RTN4: variants seen among roughly 807,000 people sequenced by gnomAD.
RTN4 encodes reticulon 4, also known as reticulon-4.
A neutral mutation model predicts 90.4 loss-of-function variants in RTN4; 32 were observed. The observed-to-expected ratio is 0.35, with a 90% CI of 0.27 to 0.48. RTN4 has a LOEUF of 0.48. Ranked by LOEUF, RTN4 falls within the 20% of genes least tolerant of loss-of-function variation. The pLI is 0.99. For missense variants in RTN4, 1,706 were observed against 1,430.2 expected (o/e 1.19, Z -3.11); for synonymous variants, 629 against 552.5 (o/e 1.14, Z -1.94).
chr2:55,109,760 C>T (rs1016719303), intron 1 of RTN4, among the ~76,000 whole-genome samples: 5 of 152,144 alleles, frequency 3.3e-5, no homozygotes, highest in African/African-American at 1.2e-4. Flanking sequence ...GACCCGAGTG[C>T]CCTTTGGCAA....
chr2:55,123,209 A>G, the RTN4 span, among the ~76,000 whole-genome samples: 4 of 152,226 alleles, frequency 2.6e-5, no homozygotes, highest in Admixed American at 2.6e-4. Flanking sequence ...AACTACATAT[A>G]AATCATGAAA....
At chr2:55,051,889 G>C (rs1668097664), upstream of RTN4, among the ~76,000 whole-genome samples, 1 of 151,984 alleles carries the variant, frequency 6.6e-6, no homozygotes, top group African/African-American at 2.4e-5. Context: ...AGCTTCTAGA[G>C]TTTTTTAAAT....
intron 3 of RTN4, among the ~76,000 whole-genome samples, chr2:54,992,647 T>C (rs1450182733): frequency 1.3e-5 from 2 of 152,076 alleles, no homozygotes; most frequent in South Asian, 4.2e-4. Context: ...TCAGGGTATA[T>C]TTATGCAAGA....
chr2:55,062,968 C>A (rs571905383), intron 2 of RTN4, among the ~76,000 whole-genome samples: 41 of 152,164 alleles, frequency 2.7e-4, no homozygotes, highest in African/African-American at 9.9e-4. Flanking sequence ...CTGGGGCAAC[C>A]ATTTTGGACT....
intron 1 of RTN4, among the ~76,000 whole-genome samples, chr2:55,091,837 G>A (rs1668941940): frequency 3.2e-5 from 1 of 30,826 alleles, no homozygotes; most frequent in Non-Finnish European, 6.1e-5. Flanking sequence ...CATGGCAGCG[G>A]CAAGAGAAAA....
the RTN4 span, among the ~76,000 whole-genome samples, chr2:55,120,276 G>C: frequency 6.6e-6 from 1 of 152,168 alleles, no homozygotes; most frequent in Non-Finnish European, 1.5e-5. Flanking sequence ...CCTCACTTTA[G>C]CTCTCCGAAG....
At chr2:55,097,213 G>T (rs888316358) in intron 1 of RTN4, among the ~76,000 whole-genome samples, 1 of 150,678 alleles carries the variant, frequency 6.6e-6, no homozygotes, top group African/African-American at 2.5e-5. Flanking sequence ...GATAAAGGAG[G>T]ATTGCTTGAG....
intron 5 of RTN4, among the ~76,000 whole-genome samples, chr2:54,980,877 G>C (rs1455972626): frequency 6.6e-6 from 1 of 152,166 alleles, no homozygotes; most frequent in Non-Finnish European, 1.5e-5. Context: ...GCTACGTATA[G>C]AAGGTAATAA....
chr2:55,069,865 G>A (rs1178933594), intron 2 of RTN4, among the ~76,000 whole-genome samples: 1 of 152,198 alleles, frequency 6.6e-6, no homozygotes, highest in Non-Finnish European at 1.5e-5. Context: ...GAGAAACACA[G>A]GTACATGAAT....
At chr2:54,978,745 A>G (rs1242347755) in intron 5 of RTN4, among the ~76,000 whole-genome samples, 2 of 152,170 alleles carry the variant, frequency 1.3e-5, no homozygotes, top group Admixed American at 1.3e-4. Flanking sequence ...GCTACTTCCT[A>G]TAAATTTTAA....
intron 3 of RTN4, among the ~76,000 whole-genome samples, chr2:54,993,163 T>A (rs1165373396): frequency 1.3e-5 from 2 of 152,042 alleles, no homozygotes; most frequent in African/African-American, 4.8e-5. Flanking sequence ...TATCTCTGCA[T>A]AACGGGATTA....
the RTN4 span, among the ~76,000 whole-genome samples, chr2:55,136,864 G>A: frequency 6.6e-6 from 1 of 152,160 alleles, no homozygotes; most frequent in Non-Finnish European, 1.5e-5. Flanking sequence ...ATTGAATTCA[G>A]CAAATCAATA....
At chr2:54,991,983 C>A (rs559626452) in intron 3 of RTN4, among the ~76,000 whole-genome samples, 3 of 152,196 alleles carry the variant, frequency 2.0e-5, no homozygotes, top group Admixed American at 6.5e-5. Flanking sequence ...AATCTCCACA[C>A]CTCCTTTATG....
intron 3 of RTN4, among the ~76,000 whole-genome samples, chr2:55,021,395 C>CG (rs955979852): frequency 2.7e-5 from 3 of 110,960 alleles, no homozygotes; most frequent in African/African-American, 7.8e-5. Flanking sequence ...TTCCCTGCCC[C>CG]CCCCGCCAAA....
chr2:55,073,896 G>A (rs1668556851), intron 2 of RTN4, among the ~76,000 whole-genome samples: 1 of 152,176 alleles, frequency 6.6e-6, no homozygotes, highest in Non-Finnish European at 1.5e-5. Context: ...TTTCTGACAT[G>A]AGCTCTGGTA....
intron 1 of RTN4, among the ~76,000 whole-genome samples, chr2:55,028,523 A>T (rs574281180): frequency 7.2e-5 from 11 of 152,322 alleles, no homozygotes; most frequent in Non-Finnish European, 1.5e-4. Context: ...GTTCTACTTA[A>T]CATATCACAT....
At chr2:55,132,828 A>AC in the RTN4 span, among the ~76,000 whole-genome samples, 1 of 147,236 alleles carries the variant, frequency 6.8e-6, no homozygotes, top group East Asian at 2.1e-4. Flanking sequence ...AAAAAAAAAA[A>AC]ATTGAAAATT....
At chr2:54,993,774 C>T (rs1033054413) in intron 3 of RTN4, among the ~76,000 whole-genome samples, 2 of 152,154 alleles carry the variant, frequency 1.3e-5, no homozygotes, top group African/African-American at 4.8e-5. Flanking sequence ...AAGGGAAGAA[C>T]AGCCAAGAGA....
intron 3 of RTN4, among the ~76,000 whole-genome samples, chr2:54,999,017 A>T (rs1432355707): frequency 1.3e-5 from 2 of 152,172 alleles, no homozygotes; most frequent in African/African-American, 2.4e-5. Flanking sequence ...ATCTGAGATG[A>T]ATTTAGCAGT....
Sources: allele counts gnomAD v4.1 joint callset (sites outside exome capture counted in the v4.1 genomes callset), GRCh38; gene constraint gnomAD v4.1.1; transcripts MANE v1.5; gene names NCBI Gene and HGNC (gene_info 2026-07-23, HGNC 2026-07-21).